KLHDC1: variants seen among roughly 807,000 people sequenced by gnomAD.
KLHDC1 encodes the protein kelch domain containing 1.
In KLHDC1, 53 loss-of-function variants were observed where a neutral mutation model predicts 68.3. The observed-to-expected ratio is 0.78, with a 90% CI of 0.62 to 0.98. The LOEUF is 0.98. Ranked by LOEUF, KLHDC1 falls within the 50% of genes least tolerant of loss-of-function variation. The pLI, the probability that KLHDC1 is intolerant of heterozygous loss-of-function variation, is 0.00. For synonymous variants in KLHDC1, 148 were observed against 159.0 expected, an observed-to-expected ratio of 0.93 and a Z score of 0.52; for missense variants, 470 against 492.3, an observed-to-expected ratio of 0.95 and a Z score of 0.43.
At chr14:49,741,190 A>G (rs1889055868) in intron 11 of KLHDC1, among the ~76,000 whole-genome samples, 1 of 152,178 alleles carries the variant, frequency 6.6e-6, no homozygotes, top group African/African-American at 2.4e-5. Flanking sequence ...TTTGTTAGCT[A>G]ATTTTAGAGT....
rs1022405872 is a variant in KLHDC1 at position 49,747,238 on chromosome 14, C to T, written c.1034+3433C>T. 5.3e-5 allele frequency among the ~76,000 whole-genome samples: 8 copies of T among 152,224 alleles called. No homozygotes were observed. The East Asian group carries it at 1.3e-3, about 26-fold the overall frequency. On this transcript the variant is annotated intron_variant, in intron 12 of 12. Transcript: ENST00000359332. ...CTGGGATTACAGGCGTGAGCCACCACACCCAGCCTTAACTTTCTTTCATAT... is the reference window on the plus strand; with the variant it reads ...CTGGGATTACAGGCGTGAGCCACCATACCCAGCCTTAACTTTCTTTCATAT...
intron 12 of KLHDC1, among the ~76,000 whole-genome samples, chr14:49,747,728 TGCTGAC>T (rs1019748981): frequency 4.6e-5 from 7 of 152,174 alleles, no homozygotes; most frequent in African/African-American, 1.7e-4. Context: ...TGCAGGAAGA[TGCTGAC>T]GTCTGTCTGC....
intron 1 of KLHDC1, among the ~76,000 whole-genome samples, chr14:49,698,920 C>T (rs1887820548): frequency 6.6e-6 from 1 of 151,710 alleles, no homozygotes; most frequent in Non-Finnish European, 1.5e-5. Context: ...AATCCCAGCA[C>T]TTTGGAGGCC....
At chr14:49,702,213 C>T (rs1252778227) in intron 1 of KLHDC1, among the ~76,000 whole-genome samples, 1 of 148,618 alleles carries the variant, frequency 6.7e-6, no homozygotes, top group African/African-American at 2.5e-5. Flanking sequence ...GAAAAATGAG[C>T]AATGGATAAG....
At chr14:49,736,958 A>G (rs1888943772) in intron 10 of KLHDC1, among the ~76,000 whole-genome samples, 1 of 152,248 alleles carries the variant, frequency 6.6e-6, no homozygotes, top group Non-Finnish European at 1.5e-5. Context: ...CTGAAAAGCC[A>G]TATATGTAGC....
chr14:49,706,898 G>T (rs1441776321), intron 1 of KLHDC1, among the ~76,000 whole-genome samples: 1 of 151,896 alleles, frequency 6.6e-6, no homozygotes, highest in East Asian at 1.9e-4. Flanking sequence ...TTGTCACATG[G>T]GGAGTTTGCA....
At chr14:49,709,912 GAA>G in intron 3 of KLHDC1, 86 bp downstream of exon 3, 3 of 702,976 alleles carry the variant, frequency 4.3e-6, no homozygotes, top group Non-Finnish European at 6.9e-6. Flanking sequence ...ATTTTAAAAA[GAA>G]GATATATATA....
At chr14:49,743,671 T>G in intron 11 of KLHDC1, 82 bp from the exon 12 acceptor site, 2 of 824,220 alleles carry the variant, frequency 2.4e-6, no homozygotes, top group South Asian at 3.2e-5. Context: ...TCTTTTACAT[T>G]TATAAAATTA....
intron 1 of KLHDC1, among the ~76,000 whole-genome samples, chr14:49,697,302 G>A (rs995765725): frequency 6.6e-6 from 1 of 152,174 alleles, no homozygotes; most frequent in African/African-American, 2.4e-5. Context: ...AGAGAGGGGG[G>A]AATGGTTGGT....
chr14:49,731,824 A>C (rs1342379406), intron 8 of KLHDC1, among the ~76,000 whole-genome samples: 2 of 152,030 alleles, frequency 1.3e-5, no homozygotes, highest in Non-Finnish European at 2.9e-5. Context: ...GGATTACAGA[A>C]GTGAGCCACT....
chr14:49,730,929 G>A (rs1219309804), intron 8 of KLHDC1, among the ~76,000 whole-genome samples: 1 of 152,058 alleles, frequency 6.6e-6, no homozygotes, highest in East Asian at 1.9e-4. Context: ...CCAAGATCGT[G>A]CCACTGCACT....
chr14:49,744,306 G>A lies in KLHDC1; in HGVS notation c.1034+501G>A, dbSNP rs999851715. On this transcript the variant is annotated intron_variant, in intron 12 of 12. Coordinates refer to ENST00000359332, the MANE Select transcript of KLHDC1 (RefSeq NM_172193.3). ...AGCCTGTATATATGTGTGTGTGTGTGTGTGTGTGTGTGTGTGTGTATGTAC... is the reference window on the plus strand; with the variant it reads ...AGCCTGTATATATGTGTGTGTGTGTATGTGTGTGTGTGTGTGTGTATGTAC... 1.3e-4 allele frequency among the ~76,000 whole-genome samples: 20 copies of A among 148,354 alleles called. 2 individuals are homozygous for A. Among genetic ancestry groups the A allele is most frequent in the Admixed American group, 8.7e-4 (13 of 14,886 alleles).
At position 49,725,688 on chromosome 14, in the gene KLHDC1, A is replaced by G. The variant is rs772720324; in HGVS notation, c.486A>G (p.Glu162=). The G allele has an allele frequency of 2.0e-6, 3 of 1,484,188 alleles. No homozygotes were observed. The South Asian group carries it at 3.7e-5, about 18-fold the overall frequency. 91.9% of individuals were successfully genotyped at this position (1,484,188 alleles called of 1,614,324 possible). A position where few individuals can be genotyped will look rare whatever the true frequency, so the allele number is the denominator to read the frequency against. ...TATTTAAAACATTTCTCTTTTAGGAAGAGCAGATATTCTGGGGATGGCATA... is the reference window on the plus strand; with the variant it reads ...TATTTAAAACATTTCTCTTTTAGGAGGAGCAGATATTCTGGGGATGGCATA... ...DCFDVHDASW[E]EQIFWGWHND... is the part of the protein sequence containing the mutation. Residue 162 remains glutamate (E), a splice_region_variant and synonymous_variant, in exon 6 of 13, where the codon GAA becomes GAG. Transcript: ENST00000359332.
chr14:49,709,616 A>G, intron 2 of KLHDC1, 93 bp from the exon 3 acceptor site: 1 of 602,106 alleles, frequency 1.7e-6, no homozygotes, highest in Non-Finnish European at 2.9e-6. Flanking sequence ...TGACAGTGAC[A>G]GTTTTCACTG....
chr14:49,740,628 C>T (rs1889043670), intron 11 of KLHDC1, among the ~76,000 whole-genome samples: 3 of 151,720 alleles, frequency 2.0e-5, no homozygotes, highest in African/African-American at 7.3e-5. Context: ...CGTGAGCCAC[C>T]GCACCCAGCA....
In KLHDC1 at chr14:49,709,772, T is replaced by G; in HGVS notation, c.231T>G (p.Ile77Met). ...TGTCAGGAAGCTGTGGTGCTTGCAT[T>G]AATGGAAAGCTGTACATTTTTGGAG... ...ASMSGSCGACINGKLYIFGGY... is the reference protein window; with the variant it reads ...ASMSGSCGACMNGKLYIFGGY... The change falls in exon 3 of 13, where the codon ATT becomes ATG. Residue 77 changes from isoleucine to methionine, a missense_variant. Ile to Met is a conservative substitution (Grantham distance 10). Transcript: ENST00000359332. The G allele has an allele frequency of 6.2e-7, 1 of 1,604,544 alleles. No homozygotes were observed. The highest frequency in any genetic ancestry group is 8.5e-7 in the Non-Finnish European group (1 of 1,176,122).
In KLHDC1 at chr14:49,752,176, A is replaced by G. The variant is rs1374340061; in HGVS notation, c.*404A>G. 1 of 152,244 alleles carries G rather than the reference A, an allele frequency of 6.6e-6. No homozygotes were observed. The highest frequency in any genetic ancestry group is 1.5e-5 in the Non-Finnish European group (1 of 68,020). 9.4% of individuals were successfully genotyped at this position (152,244 alleles called of 1,614,324 possible). A position where few individuals can be genotyped will look rare whatever the true frequency, so the allele number is the denominator to read the frequency against. On this transcript the variant is annotated 3_prime_UTR_variant, in exon 13 of 13. Transcript: ENST00000359332. ...AAACACTACATATACACTTTCAGAA[A>G]GAATAAACTTTCTCAAGTCATTTTA...
intron 4 of KLHDC1, among the ~76,000 whole-genome samples, chr14:49,715,021 A>G (rs1888333898): frequency 6.8e-6 from 1 of 146,944 alleles, no homozygotes; most frequent in Non-Finnish European, 1.5e-5. Flanking sequence ...TATCTATTTT[A>G]TATTTTATGT....
At chr14:49,751,543 C>G (rs1294782886) in intron 12 of KLHDC1, 43 bp from the exon 13 acceptor site, 1 of 881,242 alleles carries the variant, frequency 1.1e-6, no homozygotes, top group Non-Finnish European at 1.6e-6. Flanking sequence ...TATATTATAA[C>G]CTCAGGTTCA....
Sources: allele counts gnomAD v4.1 joint callset (sites outside exome capture counted in the v4.1 genomes callset), GRCh38; gene constraint gnomAD v4.1.1; transcripts MANE v1.5; gene names NCBI Gene and HGNC (gene_info 2026-07-23, HGNC 2026-07-21).